INTS4: variants seen among roughly 807,000 people sequenced by gnomAD.
INTS4 encodes the protein MSTP093.
In INTS4, 70 loss-of-function variants were observed where a neutral mutation model predicts 119.5. The ratio of observed to expected loss-of-function variants is 0.59; its 90% CI spans 0.48 to 0.71. INTS4 has a LOEUF of 0.71. Ranked by LOEUF, INTS4 falls within the 30% of genes least tolerant of loss-of-function variation. The pLI is 0.00. For synonymous variants in INTS4, 316 were observed against 419.6 expected, an observed-to-expected ratio of 0.75 and a Z score of 3.02; for missense variants, 867 against 1,173.2, an observed-to-expected ratio of 0.74 and a Z score of 3.81.
intron 4 of INTS4, among the ~76,000 whole-genome samples, chr11:77,968,486 G>C (rs757822700): frequency 6.6e-6 from 1 of 152,158 alleles, no homozygotes; most frequent in Non-Finnish European, 1.5e-5. Context: ...TGTTAGGGAC[G>C]AGGGGATGGG....
At chr11:77,924,163 G>C (rs1452771145) in intron 12 of INTS4, among the ~76,000 whole-genome samples, 2 of 150,472 alleles carry the variant, frequency 1.3e-5, no homozygotes, top group Non-Finnish European at 1.5e-5. Context: ...GGGAGGCCGG[G>C]GCAGGGGGAT....
intron 4 of INTS4, among the ~76,000 whole-genome samples, chr11:77,968,921 A>G (rs1056600641): frequency 5.3e-5 from 8 of 152,132 alleles, no homozygotes; most frequent in African/African-American, 1.4e-4. Flanking sequence ...ATTCACCAAA[A>G]TTCAGTGAAG....
At chr11:77,883,496 T>G (rs1322353054) in intron 22 of INTS4, among the ~76,000 whole-genome samples, 2 of 152,196 alleles carry the variant, frequency 1.3e-5, no homozygotes, top group Non-Finnish European at 2.9e-5. Context: ...GAGAGACTTG[T>G]CTAAGGTGAC....
Position 77,883,886 on chromosome 11 carries a change from G to A in INTS4, c.2659C>T (p.Pro887Ser). The A allele has an allele frequency of 6.2e-7, 1 of 1,613,108 alleles. No homozygotes were observed. The highest frequency in any genetic ancestry group is 1.7e-4 in the Middle Eastern group (1 of 6,060). Residue 887 changes from proline (P) to serine (S), a missense_variant, in exon 22 of 23, where the codon CCA (proline) becomes TCA (serine). Pro to Ser is a moderately conservative substitution (Grantham distance 74, BLOSUM62 -1). Around this residue, in one of 5 missense-constraint regions of INTS4, gnomAD observed 122 missense variants for 133.2 expected, o/e 0.92. Transcript: ENST00000534064. ...PKPADFRNPG[P>S]GRHRLITQVY... The stretch of plus-strand genomic sequence containing the variant: ...TGAGTGATGAGCCGGTGCCGCCCTG[G>A]GCCAGGATTCCGGAAGTCTGCAGGC...
intron 2 of INTS4, among the ~76,000 whole-genome samples, chr11:77,990,234 A>T (rs1856618430): frequency 6.6e-6 from 1 of 151,464 alleles, no homozygotes; most frequent in African/African-American, 2.4e-5. Flanking sequence ...AAAAAAAAAA[A>T]ATGCAAAACT....
chr11:77,921,243 C>A, intron 14 of INTS4, 97 bp downstream of exon 14: 1 of 1,273,068 alleles, frequency 7.9e-7, no homozygotes, highest in Non-Finnish European at 1.1e-6. Context: ...CCGCCCTGGG[C>A]AACATAACAA....
chr11:77,890,720 A>G (rs1952226070), intron 21 of INTS4, among the ~76,000 whole-genome samples: 1 of 152,246 alleles, frequency 6.6e-6, no homozygotes. Context: ...GCAATAGAGT[A>G]AACACGATTG....
chr11:77,960,845 T>A, intron 5 of INTS4, 108 bp downstream of exon 5: 1 of 1,016,474 alleles, frequency 9.8e-7, no homozygotes, highest in Non-Finnish European at 1.4e-6. Flanking sequence ...AATACCCTCC[T>A]GAAAGTATAT....
At chr11:77,920,084 C>T (rs1445115778) in intron 14 of INTS4, among the ~76,000 whole-genome samples, 2 of 151,850 alleles carry the variant, frequency 1.3e-5, no homozygotes, top group South Asian at 2.1e-4. Context: ...GCTTAGATTA[C>T]AGGTATGAGC....
chr11:77,885,312 G>C (rs2136367687), intron 21 of INTS4, among the ~76,000 whole-genome samples: 1 of 151,792 alleles, frequency 6.6e-6, no homozygotes, highest in South Asian at 2.1e-4. Flanking sequence ...CCTGACCTCA[G>C]GTGATCTTCC....
intron 15 of INTS4, chr11:77,918,021 G>A (rs1421385408): frequency 1.4e-6 from 1 of 702,014 alleles, no homozygotes; most frequent in Non-Finnish European, 2.6e-6. Flanking sequence ...CCACAGGGTG[G>A]AGATGATACC....
At chr11:77,991,703 G>C (rs1005265184) in intron 1 of INTS4, among the ~76,000 whole-genome samples, 1 of 151,904 alleles carries the variant, frequency 6.6e-6, no homozygotes, top group Admixed American at 6.6e-5. Flanking sequence ...CTAACATTTT[G>C]CTCTACCTAT....
chr11:77,992,687 G>A lies in INTS4; in HGVS notation c.55-1388C>T, dbSNP rs1016726630. ...AGAACACAGTATGACATGATAAAAA[G>A]AATAAGGACTTTGGAGTCAGAGGAA... On this transcript the variant is annotated intron_variant, in intron 1 of 22. Transcript: ENST00000534064. Among the ~76,000 whole-genome samples the A allele has an allele frequency of 2.0e-5, 3 of 152,158 alleles. No individual in the cohort carries two copies. In the East Asian group the frequency reaches 5.8e-4, roughly 29 times the overall value.
intron 4 of INTS4, among the ~76,000 whole-genome samples, chr11:77,974,238 C>CTTTTTTT (rs60093605): frequency 1.2e-4 from 10 of 84,336 alleles, no homozygotes; most frequent in Non-Finnish European, 1.9e-4. Context: ...TTTTTCTTTT[C>CTTTTTTT]TTTTTTTTTT....
At chr11:77,945,107 G>T (rs1400936641) in intron 8 of INTS4, among the ~76,000 whole-genome samples, 6 of 152,220 alleles carry the variant, frequency 3.9e-5, no homozygotes, top group Non-Finnish European at 8.8e-5. Flanking sequence ...GCACCACAGG[G>T]AAGGGAGTGA....
chr11:77,993,160 G>A (rs1856766065), intron 1 of INTS4, among the ~76,000 whole-genome samples: 1 of 152,156 alleles, frequency 6.6e-6, no homozygotes, highest in African/African-American at 2.4e-5. Context: ...TCCATCTCCA[G>A]GACACGGAGA....
intron 4 of INTS4, among the ~76,000 whole-genome samples, chr11:77,972,774 A>T (rs914596637): frequency 2.0e-5 from 3 of 150,836 alleles, no homozygotes; most frequent in Admixed American, 6.6e-5. Context: ...GTACCATAGT[A>T]TCTGGATATT....
At chr11:77,893,154 G>A (rs543533793) in intron 19 of INTS4, among the ~76,000 whole-genome samples, 123 of 152,240 alleles carry the variant, frequency 8.1e-4, no homozygotes, top group African/African-American at 2.8e-3. Context: ...TCACTCCCTC[G>A]ACTCCTATTT....
chr11:77,971,560 AACCTGGG>A (rs1233610602), intron 4 of INTS4, among the ~76,000 whole-genome samples: 1 of 152,132 alleles, frequency 6.6e-6, no homozygotes, highest in African/African-American at 2.4e-5. Context: ...GAACCACTTG[AACCTGGG>A]AGGCAGAGGT....
Sources: gnomAD v4.1 joint callset for allele counts (sites outside exome capture counted in the v4.1 genomes callset) on GRCh38, gnomAD v4.1.1 for gene constraint, gnomAD v4.1.1 regional missense constraint, MANE v1.5 for transcripts, NCBI Gene and HGNC (gene_info 2026-07-23, HGNC 2026-07-21) for gene names.